Variants in INPP4B observed in about 807,000 individuals in gnomAD.
The protein encoded by INPP4B is inositol polyphosphate-4-phosphatase type II B, also known as inositol polyphosphate 4-phosphatase type II.
A neutral mutation model predicts 122.5 loss-of-function variants in INPP4B; 55 were observed. That is an observed-to-expected ratio of 0.45 (90% confidence interval 0.36 to 0.56). The LOEUF is 0.56. Ranked by LOEUF, INPP4B falls within the 20% of genes least tolerant of loss-of-function variation. The pLI, the probability that INPP4B is intolerant of heterozygous loss-of-function variation, is 0.00. For synonymous variants in INPP4B, 403 were observed against 388.7 expected (o/e 1.04, Z -0.43); for missense variants, 1,000 against 1,097.7 (o/e 0.91, Z 1.26).
chr4:142,685,483 T>G (rs1759218046), intron 2 of INPP4B, among the ~76,000 whole-genome samples: 1 of 152,138 alleles, frequency 6.6e-6, no homozygotes, highest in African/African-American at 2.4e-5. Flanking sequence ...ATGGTCTACT[T>G]TACTTCTGCT....
intron 21 of INPP4B, among the ~76,000 whole-genome samples, chr4:142,113,991 C>T (rs1189868700): frequency 6.6e-6 from 1 of 152,006 alleles, no homozygotes; most frequent in Non-Finnish European, 1.5e-5. Flanking sequence ...GAAAGCCACA[C>T]ATCTATTTTC....
chr4:142,082,846 G>A (rs190269074), intron 24 of INPP4B, among the ~76,000 whole-genome samples: 226 of 152,244 alleles, frequency 1.5e-3, no homozygotes, highest in African/African-American at 5.2e-3. Context: ...CTTCACAGGG[G>A]CCGGGCACAG....
intron 2 of INPP4B, among the ~76,000 whole-genome samples, chr4:142,710,479 G>C (rs1378337695): frequency 1.3e-5 from 2 of 152,100 alleles, no homozygotes; most frequent in Non-Finnish European, 2.9e-5. Context: ...CAAAACCCTA[G>C]AGTGGGTTAT....
At chr4:142,762,195 C>A (rs932745908) in intron 1 of INPP4B, among the ~76,000 whole-genome samples, 1 of 152,108 alleles carries the variant, frequency 6.6e-6, no homozygotes, top group African/African-American at 2.4e-5. Context: ...CATTCTGCAA[C>A]TCCCTCAAAT....
intron 22 of INPP4B, among the ~76,000 whole-genome samples, chr4:142,108,837 T>C (rs191356515): frequency 6.6e-6 from 1 of 152,216 alleles, no homozygotes; most frequent in East Asian, 1.9e-4. Flanking sequence ...TTTCCCAAGT[T>C]CAAAGGTAAA....
At chr4:142,798,126 T>C (rs890230516) in intron 1 of INPP4B, among the ~76,000 whole-genome samples, 2 of 151,856 alleles carry the variant, frequency 1.3e-5, no homozygotes, top group Non-Finnish European at 2.9e-5. Flanking sequence ...ATTACTGATA[T>C]TACAAAAAGG....
At chr4:142,352,867 A>G (rs1201982438) in intron 7 of INPP4B, among the ~76,000 whole-genome samples, 1 of 152,026 alleles carries the variant, frequency 6.6e-6, no homozygotes, top group Non-Finnish European at 1.5e-5. Flanking sequence ...TAAAAGTCAC[A>G]TGCTACGTTA....
chr4:142,177,118 G>A (rs1430303281), intron 15 of INPP4B, among the ~76,000 whole-genome samples: 1 of 152,060 alleles, frequency 6.6e-6, no homozygotes, highest in East Asian at 1.9e-4. Flanking sequence ...CTCCTTTGGA[G>A]CAGAGTTGTG....
intron 23 of INPP4B, among the ~76,000 whole-genome samples, chr4:142,107,054 C>T (rs1787517191): frequency 6.6e-6 from 1 of 151,898 alleles, no homozygotes; most frequent in South Asian, 2.1e-4. Flanking sequence ...TTAAAGTATG[C>T]TTGCTACCAA....
intron 2 of INPP4B, among the ~76,000 whole-genome samples, chr4:142,590,893 A>C (rs911803394): frequency 6.6e-6 from 1 of 151,022 alleles, no homozygotes; most frequent in African/African-American, 2.4e-5. Context: ...AAAAAAAAAA[A>C]AAAAAAACAA....
rs115015868 is a variant in INPP4B, at chr4:142,196,240, C to T, written c.1073-3045G>A. Among the ~76,000 whole-genome samples the T allele has an allele frequency of 6.3e-3, 964 of 152,166 alleles. 8 individuals carry two copies. The highest frequency in any genetic ancestry group is 0.02 in the African/African-American group (845 of 41,520). Reference sequence around the variant, plus strand: ...TTCTTTTCATTCTATTTTCTATTTACGAACTCATCCCTTTTAGTGTTTTCA... The same window carrying T: ...TTCTTTTCATTCTATTTTCTATTTATGAACTCATCCCTTTTAGTGTTTTCA... On this transcript the variant is annotated intron_variant, in intron 14 of 25. Transcript: ENST00000262992.
intron 11 of INPP4B, among the ~76,000 whole-genome samples, chr4:142,252,499 T>C (rs1186801331): frequency 6.6e-6 from 1 of 152,156 alleles, no homozygotes; most frequent in Non-Finnish European, 1.5e-5. Context: ...GTAGTCATTA[T>C]TTACTAACAG....
intron 2 of INPP4B, among the ~76,000 whole-genome samples, chr4:142,549,282 T>C (rs559538019): frequency 2.0e-5 from 3 of 152,190 alleles, no homozygotes; most frequent in African/African-American, 7.2e-5. Context: ...AATCTCATCC[T>C]CCCATACTGT....
chr4:142,752,220 A>G (rs557336979), intron 1 of INPP4B, among the ~76,000 whole-genome samples: 1 of 152,182 alleles, frequency 6.6e-6, no homozygotes, highest in South Asian at 2.1e-4. Flanking sequence ...TGAAAAAGAA[A>G]ATTAAGTTGT....
chr4:142,653,318 G>A (rs1753425345), intron 2 of INPP4B, among the ~76,000 whole-genome samples: 1 of 152,134 alleles, frequency 6.6e-6, no homozygotes, highest in Non-Finnish European at 1.5e-5. Flanking sequence ...CATGGGCAAG[G>A]ACTTCATGAC....
At chr4:142,448,156 C>T (rs1813314118) in intron 3 of INPP4B, among the ~76,000 whole-genome samples, 1 of 151,936 alleles carries the variant, frequency 6.6e-6, no homozygotes, top group South Asian at 2.1e-4. Context: ...TAGCTATATT[C>T]TTGGGTGCTG....
chr4:142,599,088 C>T (rs2150287163), intron 2 of INPP4B, among the ~76,000 whole-genome samples: 1 of 152,274 alleles, frequency 6.6e-6, no homozygotes, highest in African/African-American at 2.4e-5. Context: ...ACAGCCACTG[C>T]CAATACCAGT....
intron 7 of INPP4B, among the ~76,000 whole-genome samples, chr4:142,316,056 C>A (rs1767522161): frequency 6.6e-6 from 1 of 152,048 alleles, no homozygotes; most frequent in Admixed American, 6.6e-5. Flanking sequence ...AAAAAAGCAG[C>A]AAGCTATAAT....
chr4:142,654,367 TAAAAAAAAAAAA>T (rs10677341), intron 2 of INPP4B: 1 of 101,000 alleles, frequency 9.9e-6, no homozygotes, highest in Non-Finnish European at 1.9e-5. Flanking sequence ...ACTTAAAGTA[TAAAAAAAAAAAA>T]AAAAAAAAAA....
Sources: gnomAD v4.1 joint callset for allele counts (sites outside exome capture counted in the v4.1 genomes callset) on GRCh38, gnomAD v4.1.1 for gene constraint, MANE v1.5 for transcripts, NCBI Gene and HGNC (gene_info 2026-07-23, HGNC 2026-07-21) for gene names.